Variants in CCDC180 observed in about 807,000 individuals in gnomAD.
CCDC180 encodes coiled-coil domain-containing protein 180.
Under a neutral mutation model 209.2 loss-of-function variants are expected in CCDC180, and 154 were observed. The ratio of observed to expected loss-of-function variants is 0.74; its 90% CI spans 0.65 to 0.84. CCDC180 has a LOEUF of 0.84. Ranked by LOEUF, CCDC180 falls within the 40% of genes least tolerant of loss-of-function variation. The pLI, the probability that CCDC180 is intolerant of heterozygous loss-of-function variation, is 0.00. For synonymous variants in CCDC180, 778 were observed against 749.1 expected, an observed-to-expected ratio of 1.04 and a Z score of -0.63; for missense variants, 1,874 against 1,997.3, an observed-to-expected ratio of 0.94 and a Z score of 1.18.
chr9:97,312,585 C>T (rs561181668), intron 4 of CCDC180, among the ~76,000 whole-genome samples: 6 of 152,228 alleles, frequency 3.9e-5, no homozygotes, highest in East Asian at 1.9e-4. Context: ...AAGTAATACA[C>T]GCTCACTGAA....
intron 22 of CCDC180, among the ~76,000 whole-genome samples, chr9:97,354,067 G>A (rs915144656): frequency 1.3e-5 from 2 of 148,294 alleles, no homozygotes; most frequent in Non-Finnish European, 1.5e-5. Context: ...GCGCAATCTC[G>A]GCTCACTGCA....
Position 97,318,612 on chromosome 9 carries a change from G to A in CCDC180, c.1079+30G>A, listed in dbSNP as rs774218340. On this transcript the variant is annotated intron_variant, in intron 10 of 36. Transcript: ENST00000529487. ...GGGCAGGAGGGGCGGCCCAGGAGGGGTGCTTCTTGGGGTGCAGTGAGGGAG... is the reference window on the plus strand; with the variant it reads ...GGGCAGGAGGGGCGGCCCAGGAGGGATGCTTCTTGGGGTGCAGTGAGGGAG... 3.1e-6 allele frequency: 5 copies of A among 1,606,452 alleles called. No homozygotes were observed. The African/African-American group carries it at 5.3e-5, about 17-fold the overall frequency.
chr9:97,325,363 A>G (rs1357496414), intron 14 of CCDC180, among the ~76,000 whole-genome samples, 171 bp downstream of exon 14: 1 of 152,204 alleles, frequency 6.6e-6, no homozygotes, highest in Non-Finnish European at 1.5e-5. Flanking sequence ...CCTGGAACCA[A>G]ATGTGTCTCT....
intron 20 of CCDC180, 171 bp downstream of exon 20, chr9:97,347,660 G>GA (rs1387439405): frequency 1.7e-6 from 1 of 590,092 alleles, no homozygotes. Flanking sequence ...GAGGCTTGCA[G>GA]AAAAAGGTAG....
chr9:97,367,778 C>T (rs1164855418), intron 31 of CCDC180, among the ~76,000 whole-genome samples: 1 of 152,092 alleles, frequency 6.6e-6, no homozygotes, highest in Non-Finnish European at 1.5e-5. Flanking sequence ...CCAGCCAGAG[C>T]CTCAGTTTTC....
At chr9:97,365,376 A>G (rs1054651651) in intron 29 of CCDC180, 8 of 306,994 alleles carry the variant, frequency 2.6e-5, no homozygotes, top group African/African-American at 1.3e-4. Context: ...CCACCTGATT[A>G]GCATGTCATA....
chr9:97,341,068 C>T (rs1826063317), intron 18 of CCDC180, among the ~76,000 whole-genome samples: 1 of 151,818 alleles, frequency 6.6e-6, no homozygotes, highest in African/African-American at 2.4e-5. Flanking sequence ...CTCTTTGTCT[C>T]CTCTCTCTCT....
chr9:97,347,354 G>T lies in CCDC180; in HGVS notation c.2539G>T (p.Asp847Tyr). ...CTTCGAGCACCTTGAGAAGTGGTTT[G>T]ACCAGTGTTCCCTCAACACCCGGGT... ...GFFEHLEKWFDQCSLNTRVTV... is the reference protein window; with the variant it reads ...GFFEHLEKWFYQCSLNTRVTV... The change falls in exon 20 of 37, where the codon GAC becomes TAC. Residue 847 changes from aspartate (D) to tyrosine (Y), a missense_variant. By Grantham distance (160) the Asp-to-Tyr change is radical. Coordinates refer to ENST00000529487, the MANE Select transcript of CCDC180 (RefSeq NM_020893.6). 6.5e-7 allele frequency: 1 copy of T among 1,536,058 alleles called. No individual in the cohort carries two copies. Among genetic ancestry groups the T allele is most frequent in the Non-Finnish European group, 8.7e-7 (1 of 1,146,920 alleles).
intron 19 of CCDC180, among the ~76,000 whole-genome samples, chr9:97,345,350 A>T (rs1012544942): frequency 2.6e-5 from 4 of 152,230 alleles, no homozygotes; most frequent in Non-Finnish European, 5.9e-5. Context: ...TGAGAACTTC[A>T]ATCGCTCCAC....
chr9:97,314,531 C>G lies in CCDC180; in HGVS notation c.588+10C>G, dbSNP rs1833095056. 8.1e-6 allele frequency: 13 copies of G among 1,614,018 alleles called. No homozygotes were observed. Among genetic ancestry groups the G allele is most frequent in the Non-Finnish European group, 1.1e-5 (13 of 1,179,938 alleles). On this transcript the variant is annotated intron_variant, in intron 6 of 36. Transcript: ENST00000529487. ...GGACTACACCATCCAAGTAGGGGTCCCTTCGTGGCTGGGCCTGCCCCACCC... is the reference window on the plus strand; with the variant it reads ...GGACTACACCATCCAAGTAGGGGTCGCTTCGTGGCTGGGCCTGCCCCACCC...
rs932141995 is a variant in CCDC180 at position 97,347,485 on chromosome 9, G to A, written c.2670G>A (p.Arg890=). 5.2e-6 allele frequency: 8 copies of A among 1,535,710 alleles called. No individual in the cohort carries two copies. In the African/African-American group the frequency reaches 1.1e-4, roughly 21 times the overall value. Residue 890 remains arginine, a synonymous_variant, in exon 20 of 37, where the codon AGG becomes AGA. Coordinates refer to ENST00000529487, the MANE Select transcript of CCDC180 (RefSeq NM_020893.6). ...QQIEKDIHNV[R]AAELLLHQEQ... ...TTGAAAAAGACATCCACAACGTCAG[G>A]GCAGGTACAGATGCTGCCTGGGAAT...
chr9:97,310,801 C>A (rs1832958743), intron 3 of CCDC180, among the ~76,000 whole-genome samples: 1 of 152,170 alleles, frequency 6.6e-6, no homozygotes, highest in South Asian at 2.1e-4. Context: ...GAACTCCCAA[C>A]AGATAGAAAA....
rs1407008068 is a variant in CCDC180, at chr9:97,323,769, C to T, written c.1249-12C>T. Reference sequence around the variant, plus strand: ...TCCTAAGCCAGGCTCTGCCTTGTCCCACACACTCCAGAAGCAGCTGCTGGA... The same window carrying T: ...TCCTAAGCCAGGCTCTGCCTTGTCCTACACACTCCAGAAGCAGCTGCTGGA... On this transcript the variant is annotated splice_polypyrimidine_tract_variant and intron_variant, in intron 12 of 36. Coordinates refer to ENST00000529487, the MANE Select transcript of CCDC180 (RefSeq NM_020893.6). 8 of 1,556,030 alleles carry T rather than the reference C, an allele frequency of 5.1e-6. No individual in the cohort carries two copies. Among genetic ancestry groups the T allele is most frequent in the Non-Finnish European group, 5.2e-6 (6 of 1,149,126 alleles).
chr9:97,319,653 A>G (rs1167801483), intron 10 of CCDC180, among the ~76,000 whole-genome samples: 2 of 152,216 alleles, frequency 1.3e-5, no homozygotes, highest in Admixed American at 1.3e-4. Flanking sequence ...TGCGAAGGCC[A>G]TGATCTCATT....
intron 27 of CCDC180, 28 bp from the exon 28 acceptor site, chr9:97,362,168 G>C (rs1174839244): frequency 6.3e-7 from 1 of 1,597,762 alleles, no homozygotes; most frequent in South Asian, 1.1e-5. Context: ...CACCGGAGAA[G>C]AGCTCACACC....
At chr9:97,375,232 C>A (rs558063183) in intron 35 of CCDC180, among the ~76,000 whole-genome samples, 5 of 152,200 alleles carry the variant, frequency 3.3e-5, no homozygotes, top group Admixed American at 6.5e-5. Flanking sequence ...CTTCCCCCCC[C>A]AGAACCCCAG....
chr9:97,314,218 C>T (rs145934196), intron 5 of CCDC180, among the ~76,000 whole-genome samples, 175 bp from the exon 6 acceptor site: 2 of 152,340 alleles, frequency 1.3e-5, no homozygotes, highest in African/African-American at 4.8e-5. Flanking sequence ...GAGGGCTCAG[C>T]GCAGAGCGTG....
chr9:97,375,991 AGCTTCT>A (rs1827249103), intron 36 of CCDC180: 1 of 205,746 alleles, frequency 4.9e-6, no homozygotes, highest in African/African-American at 2.3e-5. Context: ...ACTTACTGAG[AGCTTCT>A]GCTCTTGACA....
In CCDC180 at chr9:97,313,233, C is replaced by G; in HGVS notation, c.350-3C>G. On this transcript the variant is annotated splice_polypyrimidine_tract_variant and splice_region_variant and intron_variant, in intron 4 of 36. Coordinates refer to ENST00000529487, the MANE Select transcript of CCDC180 (RefSeq NM_020893.6). ...CCTCATCACCTCTGTTGTTGCTCCG[C>G]AGTTCCTGAGAAGATAAGCACCAGC... 6.2e-7 allele frequency: 1 copy of G among 1,603,998 alleles called. No individual in the cohort carries two copies.
Sources: gnomAD v4.1 joint callset for allele counts (sites outside exome capture counted in the v4.1 genomes callset) on GRCh38, gnomAD v4.1.1 for gene constraint, MANE v1.5 for transcripts, NCBI Gene and HGNC (gene_info 2026-07-23, HGNC 2026-07-21) for gene names.